The following ERBB4 variants were observed in gnomAD, a reference collection of about 807,000 sequenced individuals.
ERBB4 encodes receptor tyrosine-protein kinase erbB-4.
A neutral mutation model predicts 158.0 loss-of-function variants in ERBB4; 42 were observed. The ratio of observed to expected loss-of-function variants is 0.27; its 90% CI spans 0.21 to 0.34. ERBB4 has a LOEUF of 0.34. Among genes scored for constraint, ERBB4 ranks in the 10% least tolerant of loss-of-function variants. ERBB4 has a pLI of 1.00. For synonymous variants in ERBB4, 583 were observed against 558.7 expected (o/e 1.04, Z -0.61); for missense variants, 1,333 against 1,624.1 (o/e 0.82, Z 3.08).
chr2:211,990,784 A>C (rs1185524852), intron 2 of ERBB4, among the ~76,000 whole-genome samples: 2 of 151,916 alleles, frequency 1.3e-5, no homozygotes. Context: ...TTTAGAAGAC[A>C]AAACGTAAGA....
intron 2 of ERBB4, among the ~76,000 whole-genome samples, chr2:212,096,258 A>G (rs1256770246): frequency 1.3e-5 from 2 of 150,584 alleles, no homozygotes; most frequent in African/African-American, 4.8e-5. Flanking sequence ...GGTGTTTATT[A>G]AATCCCAGAT....
intron 21 of ERBB4, 52 bp from the exon 22 acceptor site, chr2:211,428,535 C>G (rs775930929): frequency 1.0e-6 from 1 of 981,132 alleles, no homozygotes; most frequent in Non-Finnish European, 1.6e-6. Flanking sequence ...AAATTCATTT[C>G]TATATGTATT....
intron 1 of ERBB4, among the ~76,000 whole-genome samples, chr2:212,189,969 T>A (rs2082136832): frequency 6.6e-6 from 1 of 152,184 alleles, no homozygotes; most frequent in African/African-American, 2.4e-5. Context: ...TTGGAATATG[T>A]CTTTGTAAGG....
At chr2:211,700,871 T>C (rs2073209191) in intron 12 of ERBB4, among the ~76,000 whole-genome samples, 2 of 152,198 alleles carry the variant, frequency 1.3e-5, no homozygotes, top group South Asian at 4.1e-4. Flanking sequence ...ACAAGAATAT[T>C]CATTTGCAAA....
intron 4 of ERBB4, among the ~76,000 whole-genome samples, chr2:211,757,821 T>G (rs2075319046): frequency 6.6e-6 from 1 of 152,140 alleles, no homozygotes; most frequent in Non-Finnish European, 1.5e-5. Flanking sequence ...TCTGGAAACA[T>G]AGATCAATTA....
intron 2 of ERBB4, among the ~76,000 whole-genome samples, chr2:211,964,457 A>G (rs1457314327): frequency 6.6e-6 from 1 of 152,186 alleles, no homozygotes; most frequent in Admixed American, 6.6e-5. Context: ...AAGTTCATGA[A>G]CTACAAGAAT....
chr2:211,443,841 G>A (rs1465462251), intron 20 of ERBB4, among the ~76,000 whole-genome samples: 2 of 152,066 alleles, frequency 1.3e-5, no homozygotes, highest in African/African-American at 4.8e-5. Flanking sequence ...ATGACTGTAT[G>A]TAAAATTCTT....
chr2:212,145,799 T>G (rs1278958068), intron 1 of ERBB4, among the ~76,000 whole-genome samples: 1 of 152,050 alleles, frequency 6.6e-6, no homozygotes, highest in Admixed American at 6.6e-5. Context: ...ATCGTCTTAT[T>G]TTTTTCTCTT....
intron 20 of ERBB4, among the ~76,000 whole-genome samples, chr2:211,454,612 G>A (rs780607050): frequency 2.6e-5 from 4 of 152,120 alleles, no homozygotes; most frequent in Non-Finnish European, 5.9e-5. Context: ...AAGGAAACCA[G>A]AATTTTAAAG....
At chr2:211,944,081 C>CTATATATATATATA (rs58348907) in intron 3 of ERBB4, among the ~76,000 whole-genome samples, 4 of 133,600 alleles carry the variant, frequency 3.0e-5, no homozygotes, top group African/African-American at 1.1e-4. Flanking sequence ...CATGGTTACA[C>CTATATATATATATA]TATATATATA....
chr2:211,984,963 C>G (rs985254073), intron 2 of ERBB4, among the ~76,000 whole-genome samples: 1 of 152,090 alleles, frequency 6.6e-6, no homozygotes, highest in Non-Finnish European at 1.5e-5. Flanking sequence ...AACTCCTGAC[C>G]TCCGGTGATC....
At chr2:212,030,286 T>A (rs2076872035) in intron 2 of ERBB4, among the ~76,000 whole-genome samples, 1 of 152,106 alleles carries the variant, frequency 6.6e-6, no homozygotes, top group Non-Finnish European at 1.5e-5. Flanking sequence ...TCTAACAGTA[T>A]CCTGCACCAG....
At position 212,459,142 on chromosome 2, in the gene ERBB4, T is replaced by C. The variant is rs896873323; in HGVS notation, c.82+79307A>G. ...TCTGAAGGCTTTTGGGTTTTATATA[T>C]AAGAAAACTTTAGCCTTCATATATG... On this transcript the variant is annotated intron_variant, in intron 1 of 27. Transcript: ENST00000342788. 2.6e-5 allele frequency among the ~76,000 whole-genome samples: 4 copies of C among 152,190 alleles called. No homozygotes were observed. The South Asian group carries it at 8.3e-4, about 32-fold the overall frequency.
At chr2:211,562,398 A>G (rs1396353252) in intron 19 of ERBB4, among the ~76,000 whole-genome samples, 1 of 152,180 alleles carries the variant, frequency 6.6e-6, no homozygotes, top group African/African-American at 2.4e-5. Context: ...TTGCCAAGTA[A>G]GTCAAAATGA....
chr2:212,124,311 T>C (rs112026359), intron 2 of ERBB4, among the ~76,000 whole-genome samples: 12 of 152,238 alleles, frequency 7.9e-5, no homozygotes, highest in African/African-American at 2.4e-4. Context: ...TCTTTCCTTT[T>C]CTTTTCTTTT....
chr2:211,526,927 T>C (rs2066364470), intron 20 of ERBB4, among the ~76,000 whole-genome samples: 1 of 151,740 alleles, frequency 6.6e-6, no homozygotes, highest in African/African-American at 2.4e-5. Flanking sequence ...TAAAAAACAA[T>C]AAAGCATGCC....
At chr2:212,149,360 T>G (rs951650166) in intron 1 of ERBB4, among the ~76,000 whole-genome samples, 4 of 152,248 alleles carry the variant, frequency 2.6e-5, no homozygotes, top group African/African-American at 9.6e-5. Context: ...ACATGTACTC[T>G]TTTTTAAAAA....
chr2:212,486,002 T>G (rs1338719980), intron 1 of ERBB4, among the ~76,000 whole-genome samples: 3 of 151,944 alleles, frequency 2.0e-5, no homozygotes, highest in African/African-American at 7.3e-5. Flanking sequence ...GACCTCAACA[T>G]TAAGGCCACA....
At chr2:211,729,825 G>A (rs1004579611) in intron 5 of ERBB4, among the ~76,000 whole-genome samples, 1 of 151,320 alleles carries the variant, frequency 6.6e-6, no homozygotes, top group Non-Finnish European at 1.5e-5. Flanking sequence ...TTTTTTCCTT[G>A]TATTTAGTTT....
Sources: gnomAD v4.1 joint callset for allele counts (sites outside exome capture counted in the v4.1 genomes callset) on GRCh38, gnomAD v4.1.1 for gene constraint, MANE v1.5 for transcripts, NCBI Gene and HGNC (gene_info 2026-07-23, HGNC 2026-07-21) for gene names.